PRDM11: variants seen among roughly 807,000 people sequenced by gnomAD.
PRDM11 encodes PR domain-containing protein 11.
In PRDM11, 20 loss-of-function variants were observed where a neutral mutation model predicts 97.8. That is an observed-to-expected ratio of 0.20 (90% confidence interval 0.14 to 0.30). The LOEUF (loss-of-function observed/expected upper bound fraction) is 0.30, where lower values mean the gene tolerates loss of function less well. Ranked by LOEUF, PRDM11 falls within the 10% of genes least tolerant of loss-of-function variation. The probability of loss-of-function intolerance (pLI) is 1.00; values close to 1 mark genes in which losing one functional copy is unlikely to be tolerated. For missense variants in PRDM11, 1,139 were observed against 1,555.2 expected, an observed-to-expected ratio of 0.73 and a Z score of 4.50; for synonymous variants, 599 against 637.7, an observed-to-expected ratio of 0.94 and a Z score of 0.91.
chr11:45,105,722 C>T (rs1294512772), intron 1 of PRDM11, among the ~76,000 whole-genome samples: 2 of 152,238 alleles, frequency 1.3e-5, no homozygotes, highest in African/African-American at 2.4e-5. Flanking sequence ...CAGGACGTAG[C>T]CTCAGGCTCT....
rs752952494 is a variant in PRDM11 at position 45,224,215 on chromosome 11, A to G, written c.743-2A>G. On this transcript the variant is annotated splice_acceptor_variant, in intron 6 of 7. Transcript: ENST00000683152. LOFTEE classifies it high-confidence loss of function. ...TCCTTACACCCTGGTTTTCCTTCCTAGGAGAGAAGAGGTTGCAGAGGGAGA... is the reference window on the plus strand; with the variant it reads ...TCCTTACACCCTGGTTTTCCTTCCTGGGAGAGAAGAGGTTGCAGAGGGAGA... 4 of 1,568,990 alleles carry G rather than the reference A, an allele frequency of 2.5e-6. No individual in the cohort carries two copies. Among genetic ancestry groups the G allele is most frequent in the Non-Finnish European group, 3.4e-6 (4 of 1,161,720 alleles).
In PRDM11 at chr11:45,131,890, C is replaced by T. The variant is rs544345854; in HGVS notation, c.96+35989C>T. The stretch of plus-strand genomic sequence containing the variant: ...AATGAAGTTGCTCAAAAATGTTATC[C>T]GGGATCTAGATTTTTTCTTTGGTGT... On this transcript the variant is annotated intron_variant, in intron 1 of 6. Coordinates refer to the PRDM11 transcript ENST00000530656. 1.3e-4 allele frequency among the ~76,000 whole-genome samples: 20 copies of T among 152,168 alleles called. No homozygotes were observed. The South Asian group carries it at 3.5e-3, about 27-fold the overall frequency.
In PRDM11 at chr11:45,227,131, A is replaced by G; in HGVS notation, c.2506A>G (p.Asn836Asp). 6.5e-7 allele frequency: 1 copy of G among 1,533,974 alleles called. No individual in the cohort carries two copies. Among genetic ancestry groups the G allele is most frequent in the Non-Finnish European group, 8.7e-7 (1 of 1,146,728 alleles). Reference sequence around the variant, plus strand: ...GATCATCGGCGAGCAGAACGTCCTCAACGCTCTCATCAAGGACTACCTGGA... The same window carrying G: ...GATCATCGGCGAGCAGAACGTCCTCGACGCTCTCATCAAGGACTACCTGGA... ...RWIIGEQNVL[N>D]ALIKDYLEVV... Residue 836 changes from asparagine to aspartate, a missense_variant, in exon 8 of 8, where the codon AAC (asparagine) becomes GAC (aspartate). This residue lies in a region of PRDM11 where 710 missense variants were observed against 1,044.9 expected (regional missense o/e 0.68). Transcript: ENST00000683152. This position sits in a 1 kb window ranked among gnomAD's most constrained non-coding sequence, Gnocchi z 8.0.
rs1854271226 is a variant in PRDM11, at chr11:45,226,198, A to G, written c.1573A>G (p.Asn525Asp). 6.5e-7 allele frequency: 1 copy of G among 1,533,608 alleles called. No individual in the cohort carries two copies. Among genetic ancestry groups the G allele is most frequent in the African/African-American group, 1.4e-5 (1 of 72,960 alleles). The change falls in exon 8 of 8, where the codon AAT (asparagine) becomes GAT (aspartate). Residue 525 changes from asparagine to aspartate, a missense_variant. Coordinates refer to ENST00000683152, the MANE Select transcript of PRDM11 (RefSeq NM_001384648.1). Reference sequence around the variant, plus strand: ...GTTCCTGCGGTACTCCCCAACCCTCAATGAGATGTGGTGCCACGTCTGCCG... The same window carrying G: ...GTTCCTGCGGTACTCCCCAACCCTCGATGAGATGTGGTGCCACGTCTGCCG... ...FWFLRYSPTL[N>D]EMWCHVCRQY...
At chr11:45,128,370 C>A (rs999506956) in intron 1 of PRDM11, among the ~76,000 whole-genome samples, 1 of 152,174 alleles carries the variant, frequency 6.6e-6, no homozygotes, top group African/African-American at 2.4e-5. Flanking sequence ...CACCCACTGT[C>A]TGGCACTCCC....
chr11:45,180,904 C>T (rs1459152240), intron 1 of PRDM11, among the ~76,000 whole-genome samples: 1 of 152,008 alleles, frequency 6.6e-6, no homozygotes, highest in Non-Finnish European at 1.5e-5. Flanking sequence ...CAGGCCGTCA[C>T]GTTTCCCCGC....
intron 1 of PRDM11, among the ~76,000 whole-genome samples, chr11:45,166,458 G>A (rs1227600229): frequency 2.6e-5 from 4 of 152,212 alleles, no homozygotes; most frequent in South Asian, 4.1e-4. Flanking sequence ...CTGCAGATAC[G>A]AGCACTGGTT....
intron 5 of PRDM11, among the ~76,000 whole-genome samples, chr11:45,207,704 T>C (rs1452788163): frequency 6.6e-6 from 1 of 152,194 alleles, no homozygotes; most frequent in Non-Finnish European, 1.5e-5. Context: ...AGACTCAGTC[T>C]CTAGTTCCAG....
At position 45,226,127 on chromosome 11, in the gene PRDM11, G is replaced by A. The variant is rs1283966773; in HGVS notation, c.1502G>A (p.Gly501Glu). The A allele has an allele frequency of 6.5e-7, 1 of 1,533,106 alleles. No homozygotes were observed. Among genetic ancestry groups the A allele is most frequent in the African/African-American group, 1.4e-5 (1 of 73,080 alleles). 95.0% of individuals were successfully genotyped at this position (1,533,106 alleles called of 1,614,324 possible). ...CCCTCCAAGATGTCATCGGCCACCG[G>A]GCGCCGAATCCGGCGCTTTAAGCAG... ...DEPSKMSSATGRRIRRFKQEW... is the reference protein window; with the variant it reads ...DEPSKMSSATERRIRRFKQEW... The change falls in exon 8 of 8, where the codon GGG (glycine) becomes GAG (glutamate). Residue 501 changes from glycine to glutamate, a missense_variant. By Grantham distance (98) the Gly-to-Glu change is moderately conservative. This residue lies in a region of PRDM11 where 710 missense variants were observed against 1,044.9 expected (regional missense o/e 0.68). Coordinates refer to ENST00000683152, the MANE Select transcript of PRDM11 (RefSeq NM_001384648.1).
intron 5 of PRDM11, chr11:45,214,844 C>T (rs971969255): frequency 1.3e-5 from 2 of 152,166 alleles, no homozygotes; most frequent in African/African-American, 4.8e-5. Flanking sequence ...TAAGGAAAAG[C>T]AGGTTGGTGA....
chr11:45,192,360 A>C (rs1051668677), intron 4 of PRDM11, among the ~76,000 whole-genome samples: 13 of 152,244 alleles, frequency 8.5e-5, no homozygotes, highest in African/African-American at 3.1e-4. Flanking sequence ...AGTAAAAATG[A>C]ATACCTCAAT....
At chr11:45,131,321 G>T (rs1359549110) in intron 1 of PRDM11, among the ~76,000 whole-genome samples, 1 of 152,106 alleles carries the variant, frequency 6.6e-6, no homozygotes, top group Non-Finnish European at 1.5e-5. Context: ...TTATATGAGG[G>T]TTTTCAGGTT....
At chr11:45,213,561 C>A (rs529819449) in intron 5 of PRDM11, 1 of 456,520 alleles carries the variant, frequency 2.2e-6, no homozygotes, top group Non-Finnish European at 4.4e-6. Flanking sequence ...CCCTTGTGCG[C>A]GTGCTCAGCT....
chr11:45,139,186 C>T (rs545778154), intron 1 of PRDM11, among the ~76,000 whole-genome samples: 10 of 152,202 alleles, frequency 6.6e-5, no homozygotes, highest in East Asian at 5.8e-4. Context: ...ATAAGGGTGT[C>T]GGGGAAACAA....
At chr11:45,167,281 A>G (rs1351140680) in intron 1 of PRDM11, among the ~76,000 whole-genome samples, 1 of 152,236 alleles carries the variant, frequency 6.6e-6, no homozygotes, top group African/African-American at 2.4e-5. Context: ...AGTAATGACC[A>G]CTAATGACAC....
Position 45,229,631 on chromosome 11 carries a change from C to A in PRDM11, c.*1472C>A, listed in dbSNP as rs533676371. ...AATGCTCTTTCATTCATTTAACTAC[C>A]GGTATACCTCGCAAGGGAGTTTTAA... On this transcript the variant is annotated 3_prime_UTR_variant, in exon 8 of 8. Coordinates refer to ENST00000683152, the MANE Select transcript of PRDM11 (RefSeq NM_001384648.1). 1 of 152,116 alleles carries A rather than the reference C, an allele frequency of 6.6e-6. No individual in the cohort carries two copies. Among genetic ancestry groups the A allele is most frequent in the African/African-American group, 2.4e-5 (1 of 41,396 alleles). The allele number at this position is 152,116 out of a possible 1,614,324, so 9.4% of individuals were successfully genotyped here. A position where few individuals can be genotyped will look rare whatever the true frequency, so the allele number is the denominator to read the frequency against.
chr11:45,112,179 A>G (rs558157075), intron 1 of PRDM11, among the ~76,000 whole-genome samples: 2 of 152,288 alleles, frequency 1.3e-5, no homozygotes, highest in South Asian at 4.1e-4. Context: ...TCCCACTTAC[A>G]AGTGAGAACA....
intron 1 of PRDM11, among the ~76,000 whole-genome samples, chr11:45,117,756 A>C (rs773313937): frequency 6.6e-6 from 1 of 152,212 alleles, no homozygotes; most frequent in Non-Finnish European, 1.5e-5. Context: ...CAAAAAAAAA[A>C]AGTTAATTTA....
intron 1 of PRDM11, among the ~76,000 whole-genome samples, chr11:45,101,564 A>AGAAGAAGAAGAAGAAGAAGAAGAAG (rs1554963199): frequency 9.2e-6 from 1 of 108,546 alleles, no homozygotes; most frequent in African/African-American, 5.1e-5. Context: ...TCAAAAAAAA[A>AGAAGAAGAAGAAGAAGAAGAAGAAG]AAAAAGAAGA....
Sources: gnomAD v4.1 joint callset for allele counts (sites outside exome capture counted in the v4.1 genomes callset) on GRCh38, gnomAD v4.1.1 for gene constraint, gnomAD v4.1.1 regional missense constraint, Gnocchi (gnomAD v3.1) non-coding constraint, MANE v1.5 for transcripts, NCBI Gene and HGNC (gene_info 2026-07-23, HGNC 2026-07-21) for gene names.